The following ARHGAP28 variants were observed in gnomAD, a reference collection of about 807,000 sequenced individuals.
ARHGAP28 encodes Rho GTPase activating protein 28.
Under a neutral mutation model 90.7 loss-of-function variants are expected in ARHGAP28, and 56 were observed. That is an observed-to-expected ratio of 0.62 (90% confidence interval 0.50 to 0.77). The LOEUF (loss-of-function observed/expected upper bound fraction) is 0.77. ARHGAP28 is among the 30% of genes least tolerant of loss of function. The pLI is 0.00. For synonymous variants in ARHGAP28, 308 were observed against 323.3 expected (o/e 0.95, Z 0.51); for missense variants, 869 against 900.9 (o/e 0.96, Z 0.45).
chr18:6,743,242 T>C (rs572071050), intron 1 of ARHGAP28, among the ~76,000 whole-genome samples: 1 of 152,354 alleles, frequency 6.6e-6, no homozygotes, highest in Non-Finnish European at 1.5e-5. Flanking sequence ...CCATTTCTTT[T>C]CTTACTTAAA....
intron 1 of ARHGAP28, among the ~76,000 whole-genome samples, chr18:6,780,894 CA>C (rs56272373): frequency 0.17 from 17,086 of 102,256 alleles, 1,070 homozygotes; most frequent in Non-Finnish European, 0.21. Context: ...ACTCCGTCTC[CA>C]AAAAAAAAAA....
intron 1 of ARHGAP28, among the ~76,000 whole-genome samples, chr18:6,757,939 A>G (rs1298381618): frequency 2.0e-5 from 3 of 152,168 alleles, no homozygotes; most frequent in Non-Finnish European, 2.9e-5. Flanking sequence ...TGCCCAGTCA[A>G]AAGACAGCAT....
At chr18:6,878,636 A>C (rs1037123338) in intron 10 of ARHGAP28, among the ~76,000 whole-genome samples, 1 of 152,224 alleles carries the variant, frequency 6.6e-6, no homozygotes, top group Admixed American at 6.5e-5. Flanking sequence ...AGGCACATGC[A>C]TTCCTGAACC....
chr18:6,891,455 G>A (rs1040621287), intron 14 of ARHGAP28, among the ~76,000 whole-genome samples: 27 of 151,970 alleles, frequency 1.8e-4, no homozygotes, highest in African/African-American at 6.3e-4. Context: ...AGTAGAGACA[G>A]GGTATTTTTA....
In ARHGAP28 at chr18:6,729,793, GGCCGGCGCCGAGACAT is replaced by G. The variant is rs2055858995; in HGVS notation, c.-26_-11del. On this transcript the variant is annotated 5_prime_UTR_variant, in exon 1 of 18. It removes an upstream start codon present in the reference 5' UTR. Transcript: ENST00000383472. Reference sequence around the variant, plus strand: ...ATGCTGGTCCCGGTCTTTGTTCTGGGGCCGGCGCCGAGACATGCGCGGCTGACGATGGAGGTGGAGG... The same window carrying G: ...ATGCTGGTCCCGGTCTTTGTTCTGGGGCGCGGCTGACGATGGAGGTGGAGG... 1.4e-6 allele frequency: 2 copies of G among 1,382,278 alleles called. No individual in the cohort carries two copies. Among genetic ancestry groups the G allele is most frequent in the Admixed American group, 3.2e-5 (1 of 31,392 alleles). The allele number at this position is 1,382,278 out of a possible 1,614,324, so 85.6% of individuals were successfully genotyped here. A position where few individuals can be genotyped will look rare whatever the true frequency, so the allele number is the denominator to read the frequency against.
chr18:6,780,849 G>C (rs981028174), intron 1 of ARHGAP28, among the ~76,000 whole-genome samples: 1 of 147,532 alleles, frequency 6.8e-6, no homozygotes, highest in Non-Finnish European at 1.5e-5. Context: ...CCGAGATCAC[G>C]CCATTTGCAC....
intron 4 of ARHGAP28, among the ~76,000 whole-genome samples, chr18:6,858,216 T>G (rs2056969407): frequency 6.6e-6 from 1 of 152,150 alleles, no homozygotes; most frequent in Non-Finnish European, 1.5e-5. Flanking sequence ...GCAAGAGAGG[T>G]CTGCCTGGCT....
intron 1 of ARHGAP28, among the ~76,000 whole-genome samples, chr18:6,761,971 A>T (rs1246477730): frequency 1.3e-5 from 2 of 152,224 alleles, no homozygotes; most frequent in Admixed American, 1.3e-4. Context: ...CCAGCGGTCT[A>T]CAGGCAGTTC....
intron 4 of ARHGAP28, among the ~76,000 whole-genome samples, chr18:6,853,774 C>T (rs2056929672): frequency 6.6e-6 from 1 of 152,148 alleles, no homozygotes. Context: ...TGTGCCCAGC[C>T]CATTCAGAAA....
At chr18:6,889,466 G>A (rs144933514) in intron 12 of ARHGAP28, among the ~76,000 whole-genome samples, 65 of 152,238 alleles carry the variant, frequency 4.3e-4, no homozygotes, top group African/African-American at 1.5e-3. Flanking sequence ...ATTGTAAATA[G>A]TTTTCAACAG....
At chr18:6,772,461 T>C (rs2056250741) in intron 1 of ARHGAP28, among the ~76,000 whole-genome samples, 1 of 152,230 alleles carries the variant, frequency 6.6e-6, no homozygotes, top group Non-Finnish European at 1.5e-5. Context: ...AAAAGTGACA[T>C]GTGTTCTGTA....
intron 1 of ARHGAP28, among the ~76,000 whole-genome samples, chr18:6,752,288 T>C (rs368902727): frequency 9.2e-5 from 14 of 152,322 alleles, no homozygotes; most frequent in African/African-American, 3.4e-4. Flanking sequence ...CTTTCCACTA[T>C]TGAGTTCTAT....
At chr18:6,849,487 A>C (rs2056892802) in intron 3 of ARHGAP28, among the ~76,000 whole-genome samples, 1 of 150,918 alleles carries the variant, frequency 6.6e-6, no homozygotes, top group South Asian at 2.2e-4. Context: ...ACATAATCAC[A>C]TATATTACAG....
At chr18:6,743,856 G>A (rs2055999950) in intron 1 of ARHGAP28, among the ~76,000 whole-genome samples, 1 of 152,138 alleles carries the variant, frequency 6.6e-6, no homozygotes, top group Non-Finnish European at 1.5e-5. Flanking sequence ...GGATGCTGGG[G>A]CTACAAAAAT....
At chr18:6,866,528 G>A (rs1446584474) in intron 5 of ARHGAP28, among the ~76,000 whole-genome samples, 1 of 152,108 alleles carries the variant, frequency 6.6e-6, no homozygotes, top group African/African-American at 2.4e-5. Context: ...AACCTTCTGG[G>A]CAGCACCTCT....
intron 1 of ARHGAP28, among the ~76,000 whole-genome samples, chr18:6,732,572 G>A (rs1030037168): frequency 6.6e-6 from 1 of 152,214 alleles, no homozygotes; most frequent in African/African-American, 2.4e-5. Context: ...AAGCTGAGCT[G>A]CTCCATCATG....
intron 1 of ARHGAP28, among the ~76,000 whole-genome samples, chr18:6,746,362 C>T (rs911276350): frequency 7.9e-5 from 12 of 152,064 alleles, no homozygotes; most frequent in African/African-American, 2.4e-4. Flanking sequence ...CTGTTGTTAT[C>T]GAGAAAGCAA....
At chr18:6,882,362 G>A in intron 11 of ARHGAP28, 63 bp downstream of exon 11, 1 of 1,474,196 alleles carries the variant, frequency 6.8e-7, no homozygotes, top group East Asian at 2.3e-5. Flanking sequence ...GAGAGCAGAA[G>A]AGAGATGCTG....
intron 1 of ARHGAP28, among the ~76,000 whole-genome samples, chr18:6,769,211 G>A (rs1464203857): frequency 6.6e-6 from 1 of 151,918 alleles, no homozygotes; most frequent in Non-Finnish European, 1.5e-5. Flanking sequence ...ATCCCAGATA[G>A]GAAGGGGGTC....
Sources: gnomAD v4.1 joint callset for allele counts (sites outside exome capture counted in the v4.1 genomes callset) on GRCh38, gnomAD v4.1.1 for gene constraint, MANE v1.5 for transcripts, NCBI Gene and HGNC (gene_info 2026-07-23, HGNC 2026-07-21) for gene names.